Variants in CCDC88B observed in about 807,000 individuals in gnomAD.
The protein encoded by CCDC88B is coiled-coil domain-containing protein 88B.
Under a neutral mutation model 183.7 loss-of-function variants are expected in CCDC88B, and 138 were observed. The ratio of observed to expected loss-of-function variants is 0.75; its 90% CI spans 0.65 to 0.87. CCDC88B has a LOEUF of 0.87. Among genes scored for constraint, CCDC88B ranks in the 40% least tolerant of loss-of-function variants. The pLI, the probability that CCDC88B is intolerant of heterozygous loss-of-function variation, is 0.00. For missense variants in CCDC88B, 1,822 were observed against 1,965.6 expected, an observed-to-expected ratio of 0.93 and a Z score of 1.38; for synonymous variants, 835 against 867.5, an observed-to-expected ratio of 0.96 and a Z score of 0.66.
Position 64,340,662 on chromosome 11 carries a change from A to G in CCDC88B, c.116A>G (p.Glu39Gly), listed in dbSNP as rs772961411. The change falls in exon 2 of 27, where the codon GAG (glutamate) becomes GGG (glycine). Residue 39 changes from glutamate (E) to glycine (G), a missense_variant. By Grantham distance (98) the Glu-to-Gly change is moderately conservative. Transcript: ENST00000356786. ...GEAEDSEGEE[E>G]EEEEEPPLWL... is the part of the protein sequence containing the mutation. ...GCGGAGGACTCGGAGGGGGAAGAAGAGGAAGAGGAGGAAGAGCCGCCCCTT... is the reference window on the plus strand; with the variant it reads ...GCGGAGGACTCGGAGGGGGAAGAAGGGGAAGAGGAGGAAGAGCCGCCCCTT... The G allele has an allele frequency of 6.2e-7, 1 of 1,611,740 alleles. No individual in the cohort carries two copies. The highest frequency in any genetic ancestry group is 8.5e-7 in the Non-Finnish European group (1 of 1,179,772).
At chr11:64,354,828 C>A (rs1214636211) in intron 24 of CCDC88B, among the ~76,000 whole-genome samples, 1 of 110,784 alleles carries the variant, frequency 9.0e-6, no homozygotes, top group Non-Finnish European at 1.9e-5. Context: ...TCCTCTGACC[C>A]TCTCCCTGCA....
At chr11:64,354,259 T>C (rs1423119412) in intron 24 of CCDC88B, 89 bp downstream of exon 24, 5 of 1,158,814 alleles carry the variant, frequency 4.3e-6, no homozygotes, top group Non-Finnish European at 5.5e-6. Context: ...CTGGCCTGCA[T>C]GCGTGACCCC....
chr11:64,341,085 T>C (rs369636887), intron 3 of CCDC88B, 24 bp from the exon 4 acceptor site: 86 of 1,614,004 alleles, frequency 5.3e-5, no homozygotes, highest in Middle Eastern at 1.7e-4. Flanking sequence ...AGGCGCCTCA[T>C]ATAGTCTGCC....
intron 26 of CCDC88B, 57 bp from the exon 27 acceptor site, chr11:64,356,982 T>C: frequency 6.6e-7 from 1 of 1,507,892 alleles, no homozygotes; most frequent in Non-Finnish European, 8.9e-7. Context: ...GTGGGCCTCC[T>C]GGGACTCTGG....
chr11:64,353,544 C>T (rs374362513), intron 22 of CCDC88B, 48 bp downstream of exon 22: 327 of 1,595,330 alleles, frequency 2.0e-4, no homozygotes, highest in Non-Finnish European at 2.5e-4. Context: ...CCCCTTTGGG[C>T]GTTCCTGGGG....
At chr11:64,348,890 G>A in intron 14 of CCDC88B, 3 of 650,274 alleles carry the variant, frequency 4.6e-6, no homozygotes, top group Non-Finnish European at 8.7e-6. Flanking sequence ...CTGACTTCCT[G>A]TCCCTCCAGC....
In CCDC88B at chr11:64,344,714, G is replaced by A. The variant is rs202007616; in HGVS notation, c.2173G>A (p.Ala725Thr). 107 of 1,614,112 alleles carry A rather than the reference G, an allele frequency of 6.6e-5. No homozygotes were observed. In the East Asian group the frequency reaches 8.2e-4, roughly 12 times the overall value. The change falls in exon 14 of 27, where the codon GCA becomes ACA. Residue 725 changes from alanine to threonine, a missense_variant. By Grantham distance (58) the Ala-to-Thr change is moderately conservative. Transcript: ENST00000356786. This position sits in a 1 kb window ranked among gnomAD's most constrained non-coding sequence, Gnocchi z 4.5. ...AGGGGAGAGCCTGGCCAGTGGTGTC[G>A]CAGAGCAGGAGGCCCTCAGGGAGGA... is the stretch of plus-strand genomic sequence containing the variant. ...IPGESLASGVAEQEALREEVA... is the reference protein window; with the variant it reads ...IPGESLASGVTEQEALREEVA...
In CCDC88B at chr11:64,354,044, C is replaced by A. The variant is rs368462558; in HGVS notation, c.3973C>A (p.Arg1325=). The part of the protein sequence containing the change: ...WLADKVKRLM[R]PRREGGPPGG... ...GGCAGACAAGGTGAAGAGGCTGATG[C>A]GGCCCCGGCGGGAGGGGGGCCCCCC... Residue 1325 remains arginine (R), a synonymous_variant, in exon 24 of 27, where the codon CGG becomes AGG. Transcript: ENST00000356786. 1.4e-6 allele frequency: 2 copies of A among 1,454,276 alleles called. No individual in the cohort carries two copies. Among genetic ancestry groups the A allele is most frequent in the Non-Finnish European group, 1.8e-6 (2 of 1,097,572 alleles). The allele number at this position is 1,454,276 out of a possible 1,614,324, so 90.1% of individuals were successfully genotyped here.
At chr11:64,352,975 TC>T in intron 20 of CCDC88B, 78 bp from the exon 21 acceptor site, 1 of 1,502,940 alleles carries the variant, frequency 6.7e-7, no homozygotes, top group Non-Finnish European at 8.9e-7. Context: ...TGGCCTCCCC[TC>T]CCCGGCATAA....
chr11:64,340,652 G>A lies in CCDC88B; in HGVS notation c.106G>A (p.Gly36Arg), dbSNP rs147780757. ...GGTCGGGGAGGCGGAGGACTCGGAG[G>A]GGGAAGAAGAGGAAGAGGAGGAAGA... ...GLVGEAEDSE[G>R]EEEEEEEEPP... Residue 36 changes from glycine (G) to arginine (R), a missense_variant, in exon 2 of 27, where the codon GGG becomes AGG. Physicochemically the swap from Gly to Arg is moderately radical, Grantham distance 125. Coordinates refer to ENST00000356786, the MANE Select transcript of CCDC88B (RefSeq NM_032251.6). 5 of 1,611,508 alleles carry A rather than the reference G, an allele frequency of 3.1e-6. No individual in the cohort carries two copies. Among genetic ancestry groups the A allele is most frequent in the Non-Finnish European group, 3.4e-6 (4 of 1,179,830 alleles).
chr11:64,352,747 C>T lies in CCDC88B; in HGVS notation c.3360C>T (p.His1120=), dbSNP rs755555956. The T allele has an allele frequency of 1.7e-5, 27 of 1,613,480 alleles. 1 individual carries two copies. The Middle Eastern group carries it at 6.6e-4, about 39-fold the overall frequency. ...CTTAGCCCCTTGTCCATCCCAGGCA[C>T]GAGCAGCTGCAGGCCCAGCGGGCCA... ...ELAHRELQGR[H]EQLQAQRASV... The change falls in exon 20 of 27, where the codon CAC becomes CAT. Residue 1120 remains histidine (H), a synonymous_variant. Coordinates refer to ENST00000356786, the MANE Select transcript of CCDC88B (RefSeq NM_032251.6).
chr11:64,340,854 G>C lies in CCDC88B; in HGVS notation c.207-53G>C, dbSNP rs933494470. On this transcript the variant is annotated intron_variant, in intron 2 of 26. Coordinates refer to ENST00000356786, the MANE Select transcript of CCDC88B (RefSeq NM_032251.6). The stretch of plus-strand genomic sequence containing the variant: ...CAGTGGGCGGGGCCTGAGGGACGGT[G>C]GGCGAGGCCTGTTGACGGGAGGCGG... The C allele has an allele frequency of 4.6e-6, 7 of 1,535,410 alleles. No individual in the cohort carries two copies. In the African/African-American group the frequency reaches 9.6e-5, roughly 21 times the overall value.
At chr11:64,347,061 T>C (rs1453079013) in intron 14 of CCDC88B, among the ~76,000 whole-genome samples, 1 of 152,372 alleles carries the variant, frequency 6.6e-6, no homozygotes, top group Non-Finnish European at 1.5e-5. Flanking sequence ...CCCAAAGTGC[T>C]GGGATTACAG....
intron 24 of CCDC88B, 91 bp from the exon 25 acceptor site, chr11:64,355,103 T>G: frequency 2.1e-6 from 1 of 467,752 alleles, no homozygotes; most frequent in Non-Finnish European, 2.6e-6. Flanking sequence ...TGCGTGAGCC[T>G]CAGCCTCCCC....
At position 64,344,131 on chromosome 11, in the gene CCDC88B, G is replaced by A. The variant is rs75354902; in HGVS notation, c.1590G>A (p.Leu530=). The change falls in exon 14 of 27, where the codon TTG becomes TTA. Residue 530 remains leucine, a synonymous_variant. Transcript: ENST00000356786. This position sits in a 1 kb window ranked among gnomAD's most constrained non-coding sequence, Gnocchi z 4.5. The part of the protein sequence containing the change: ...QKARDGGPQA[L]DLAPPALDSV... ...CAAGGGATGGAGGCCCCCAGGCCTT[G>A]GACTTGGCTCCCCCGGCATTAGACT... 406 of 1,613,228 alleles carry A rather than the reference G, an allele frequency of 2.5e-4. 2 individuals carry two copies. The African/African-American group carries it at 4.3e-3, about 17-fold the overall frequency.
Position 64,352,740 on chromosome 11 carries a change from C to T in CCDC88B, c.3357-4C>T, listed in dbSNP as rs780702571. ...CAGCCCTCTTAGCCCCTTGTCCATC[C>T]CAGGCACGAGCAGCTGCAGGCCCAG... On this transcript the variant is annotated splice_region_variant and splice_polypyrimidine_tract_variant and intron_variant, in intron 19 of 26. Coordinates refer to ENST00000356786, the MANE Select transcript of CCDC88B (RefSeq NM_032251.6). The T allele has an allele frequency of 6.2e-6, 10 of 1,613,344 alleles. No homozygotes were observed. The highest frequency in any genetic ancestry group is 8.5e-6 in the Non-Finnish European group (10 of 1,180,016).
chr11:64,351,568 G>C lies in CCDC88B; in HGVS notation c.3051G>C (p.Glu1017Asp). 6.4e-7 allele frequency: 1 copy of C among 1,565,212 alleles called. No homozygotes were observed. The highest frequency in any genetic ancestry group is 8.6e-7 in the Non-Finnish European group (1 of 1,163,828). Residue 1017 changes from glutamate to aspartate, a missense_variant, in exon 18 of 27, where the codon GAG becomes GAC. Transcript: ENST00000356786. ...GGAGCCTGCAGGGCCGTGCCCAGGA[G>C]CTGCTGCTGCAGAGCCAGCGGGCGC... ...QLGSLQGRAQ[E>D]LLLQSQRAQE...
intron 23 of CCDC88B, 54 bp downstream of exon 23, chr11:64,353,867 T>C: frequency 1.9e-6 from 3 of 1,605,406 alleles, no homozygotes; most frequent in Non-Finnish European, 2.6e-6. Context: ...CCTCTGCCCC[T>C]GCCCTGGCCT....
chr11:64,346,743 T>G (rs953961744), intron 14 of CCDC88B, among the ~76,000 whole-genome samples: 5 of 134,856 alleles, frequency 3.7e-5, no homozygotes, highest in African/African-American at 1.1e-4. Context: ...CCCGGCCAAT[T>G]TTTGTATTTT....
Sources: allele counts gnomAD v4.1 joint callset (sites outside exome capture counted in the v4.1 genomes callset), GRCh38; gene constraint gnomAD v4.1.1; non-coding constraint Gnocchi (gnomAD v3.1); transcripts MANE v1.5; gene names NCBI Gene and HGNC (gene_info 2026-07-23, HGNC 2026-07-21).